Variants in ATP9B observed in about 807,000 individuals in gnomAD.
The protein encoded by ATP9B is probable phospholipid-transporting ATPase IIB.
A neutral mutation model predicts 146.1 loss-of-function variants in ATP9B; 110 were observed. That is an observed-to-expected ratio of 0.75 (90% CI 0.65 to 0.88). The LOEUF is 0.88. Among genes scored for constraint, ATP9B ranks in the 40% least tolerant of loss-of-function variants. The pLI, the probability that ATP9B is intolerant of heterozygous loss-of-function variation, is 0.00. For synonymous variants in ATP9B, 604 were observed against 569.7 expected, an observed-to-expected ratio of 1.06 and a Z score of -0.86; for missense variants, 1,499 against 1,496.4, an observed-to-expected ratio of 1.00 and a Z score of -0.03.
chr18:79,128,882 A>C (rs1011769057), intron 5 of ATP9B, among the ~76,000 whole-genome samples: 4 of 152,204 alleles, frequency 2.6e-5, no homozygotes, highest in African/African-American at 9.7e-5. Context: ...CTGCATCCAG[A>C]GAAAGTCAAC....
Position 79,109,254 on chromosome 18 carries a change from A to G in ATP9B, c.294-1101A>G, listed in dbSNP as rs192770140. 5.0e-4 allele frequency among the ~76,000 whole-genome samples: 76 copies of G among 152,280 alleles called. No individual in the cohort carries two copies. In the East Asian group the frequency reaches 0.01, roughly 20 times the overall value. On this transcript the variant is annotated intron_variant, in intron 2 of 29. Coordinates refer to ENST00000426216, the MANE Select transcript of ATP9B (RefSeq NM_198531.5). ...ATTTTGAAAATTTAAATTAAACCAAAATTTTAATACTGAAGTTTAAATTCA... is the reference window on the plus strand; with the variant it reads ...ATTTTGAAAATTTAAATTAAACCAAGATTTTAATACTGAAGTTTAAATTCA...
At chr18:79,315,866 A>G (rs961651384) in intron 15 of ATP9B, among the ~76,000 whole-genome samples, 1 of 152,188 alleles carries the variant, frequency 6.6e-6, no homozygotes, top group Non-Finnish European at 1.5e-5. Flanking sequence ...TCAGGTTCCC[A>G]CTTACATATA....
intron 19 of ATP9B, 104 bp from the exon 20 acceptor site, chr18:79,342,164 C>T: frequency 1.3e-6 from 1 of 770,980 alleles, no homozygotes; most frequent in Non-Finnish European, 2.3e-6. Context: ...TATTGACGGG[C>T]ACCTGGGTTG....
chr18:79,127,048 G>A (rs375360484), intron 5 of ATP9B, among the ~76,000 whole-genome samples: 3 of 152,114 alleles, frequency 2.0e-5, no homozygotes, highest in East Asian at 3.8e-4. Flanking sequence ...AACTGAATGG[G>A]TATTCATAGT....
intron 6 of ATP9B, among the ~76,000 whole-genome samples, chr18:79,152,182 T>C (rs2094700715): frequency 2.6e-5 from 4 of 152,210 alleles, no homozygotes; most frequent in African/African-American, 9.7e-5. Flanking sequence ...CAACAGATGC[T>C]GGAGAGGATG....
intron 13 of ATP9B, among the ~76,000 whole-genome samples, chr18:79,299,105 C>G (rs2096572502): frequency 6.6e-6 from 1 of 152,064 alleles, no homozygotes; most frequent in South Asian, 2.1e-4. Flanking sequence ...GACCTTGATC[C>G]CAGTTCTTTC....
chr18:79,107,234 G>T (rs150387205), intron 2 of ATP9B, among the ~76,000 whole-genome samples: 236 of 152,318 alleles, frequency 1.5e-3, no homozygotes, highest in Non-Finnish European at 2.8e-3. Context: ...AGAACTCACT[G>T]TAGTAATGGA....
chr18:79,284,510 A>G (rs956345752), intron 13 of ATP9B, among the ~76,000 whole-genome samples: 4 of 152,222 alleles, frequency 2.6e-5, no homozygotes, highest in African/African-American at 9.6e-5. Context: ...CTTTGAATAT[A>G]TTTGGCTTCA....
At chr18:79,284,552 C>G (rs1307118980) in intron 13 of ATP9B, among the ~76,000 whole-genome samples, 2 of 152,086 alleles carry the variant, frequency 1.3e-5, no homozygotes, top group Non-Finnish European at 2.9e-5. Context: ...TTTCAAAATT[C>G]AAAGCATACT....
At chr18:79,181,835 G>C (rs1476792403) in intron 8 of ATP9B, among the ~76,000 whole-genome samples, 1 of 151,998 alleles carries the variant, frequency 6.6e-6, no homozygotes, top group Non-Finnish European at 1.5e-5. Context: ...TCAACGGTTT[G>C]TAATGCTTAA....
intron 13 of ATP9B, among the ~76,000 whole-genome samples, chr18:79,294,391 C>T (rs373414542): frequency 1.6e-4 from 24 of 152,338 alleles, no homozygotes; most frequent in African/African-American, 4.8e-4. Context: ...ACGCTCCCTG[C>T]GCTGCAGCAG....
At chr18:79,324,218 T>C (rs1477280621) in intron 15 of ATP9B, among the ~76,000 whole-genome samples, 1 of 152,138 alleles carries the variant, frequency 6.6e-6, no homozygotes, top group Non-Finnish European at 1.5e-5. Context: ...CTCTTCTCAG[T>C]GGGTAGTTTG....
intron 25 of ATP9B, among the ~76,000 whole-genome samples, chr18:79,351,302 G>A (rs1184597856): frequency 6.6e-6 from 1 of 152,182 alleles, no homozygotes; most frequent in Non-Finnish European, 1.5e-5. Context: ...CTCACAGCCC[G>A]AGTGCTCTGC....
chr18:79,166,739 C>T (rs1487633865), intron 7 of ATP9B, among the ~76,000 whole-genome samples: 1 of 152,192 alleles, frequency 6.6e-6, no homozygotes, highest in Non-Finnish European at 1.5e-5. Flanking sequence ...GTTGCTTTTC[C>T]AGCCACAAAC....
chr18:79,219,104 C>A (rs933573349), intron 11 of ATP9B, among the ~76,000 whole-genome samples: 2 of 152,130 alleles, frequency 1.3e-5, no homozygotes, highest in Non-Finnish European at 2.9e-5. Flanking sequence ...CAGAGAAGAT[C>A]ATTTGGAGTG....
At chr18:79,196,846 A>C (rs952669374) in intron 9 of ATP9B, among the ~76,000 whole-genome samples, 2 of 152,234 alleles carry the variant, frequency 1.3e-5, no homozygotes, top group South Asian at 4.1e-4. Flanking sequence ...GAAAGCATTT[A>C]GAATGAGGTG....
At chr18:79,324,940 A>G (rs1754109435) in intron 15 of ATP9B, among the ~76,000 whole-genome samples, 2 of 152,212 alleles carry the variant, frequency 1.3e-5, no homozygotes, top group South Asian at 4.1e-4. Flanking sequence ...TCCTTCAGAA[A>G]GCAGGTTTTG....
intron 13 of ATP9B, among the ~76,000 whole-genome samples, chr18:79,296,912 CA>C (rs1164539200): frequency 4.6e-5 from 7 of 151,790 alleles, no homozygotes; most frequent in Non-Finnish European, 8.8e-5. Context: ...AGAGATGACC[CA>C]GAGAGAAGAC....
At chr18:79,099,074 A>G (rs190853839) in intron 2 of ATP9B, among the ~76,000 whole-genome samples, 1 of 151,574 alleles carries the variant, frequency 6.6e-6, no homozygotes, top group Admixed American at 6.6e-5. Flanking sequence ...TTTGACTTTA[A>G]CTCGCTTTTC....
Sources: gnomAD v4.1 joint callset for allele counts (sites outside exome capture counted in the v4.1 genomes callset) on GRCh38, gnomAD v4.1.1 for gene constraint, MANE v1.5 for transcripts, NCBI Gene and HGNC (gene_info 2026-07-23, HGNC 2026-07-21) for gene names.